ECD: variants seen among roughly 807,000 people sequenced by gnomAD.
The protein encoded by ECD is ecdysoneless cell cycle regulator, also known as protein ecdysoneless homolog.
ECD carries 59 observed loss-of-function variants against 77.2 expected under a neutral mutation model. The observed-to-expected ratio is 0.76, with a 90% CI of 0.62 to 0.95. The LOEUF (loss-of-function observed/expected upper bound fraction) is 0.95, where lower values mean the gene tolerates loss of function less well. ECD is among the 40% of genes least tolerant of loss of function. ECD has a pLI of 0.00. For missense variants in ECD, 704 were observed against 763.4 expected (o/e 0.92, Z 0.92); for synonymous variants, 233 against 267.4 (o/e 0.87, Z 1.26).
At chr10:73,140,269 C>T (rs531110340) in intron 9 of ECD, among the ~76,000 whole-genome samples, 1 of 151,710 alleles carries the variant, frequency 6.6e-6, no homozygotes, top group African/African-American at 2.4e-5. Flanking sequence ...AGACATGAGC[C>T]ACCGCACCCA....
intron 3 of ECD, among the ~76,000 whole-genome samples, chr10:73,160,159 G>A (rs1015609956): frequency 6.6e-6 from 1 of 151,408 alleles, no homozygotes; most frequent in Non-Finnish European, 1.5e-5. Flanking sequence ...GGTGGTGCAC[G>A]CCTGTAATCC....
chr10:73,163,999 A>T (rs1384593971), intron 1 of ECD, 49 bp from the exon 2 acceptor site: 28 of 1,502,440 alleles, frequency 1.9e-5, no homozygotes, highest in Admixed American at 5.4e-5. Flanking sequence ...ATGCAGAAGT[A>T]ACATCTGAAC....
intron 2 of ECD, among the ~76,000 whole-genome samples, chr10:73,161,978 TAGA>T (rs754765454): frequency 3.0e-4 from 46 of 152,178 alleles, no homozygotes; most frequent in Non-Finnish European, 6.6e-4. Context: ...AAACAATAGG[TAGA>T]AGAACAGCCC....
intron 3 of ECD, among the ~76,000 whole-genome samples, chr10:73,158,413 T>C (rs1843329203): frequency 1.3e-5 from 2 of 151,912 alleles, no homozygotes; most frequent in Admixed American, 1.3e-4. Flanking sequence ...ATGTTATACA[T>C]AATAAATATA....
At chr10:73,145,627 G>A (rs1843114122) in intron 9 of ECD, among the ~76,000 whole-genome samples, 3 of 151,026 alleles carry the variant, frequency 2.0e-5, no homozygotes, top group Admixed American at 2.0e-4. Context: ...AAATTATGGG[G>A]GTACATCCAT....
At chr10:73,150,255 C>G (rs992708978) in intron 7 of ECD, among the ~76,000 whole-genome samples, 5 of 152,172 alleles carry the variant, frequency 3.3e-5, no homozygotes, top group African/African-American at 1.2e-4. Flanking sequence ...ACAAACCTGA[C>G]AAAAACAAGA....
chr10:73,164,073 T>C (rs1843417803), intron 1 of ECD, 123 bp from the exon 2 acceptor site: 1 of 780,748 alleles, frequency 1.3e-6, no homozygotes, highest in African/African-American at 1.7e-5. Flanking sequence ...CAGTGGTTCA[T>C]GCATGTAATC....
rs976193635 is a variant in ECD, at chr10:73,136,686, G to C, written c.1704+18C>G. 2 of 1,610,324 alleles carry C rather than the reference G, an allele frequency of 1.2e-6. No individual in the cohort carries two copies. Among genetic ancestry groups the C allele is most frequent in the Admixed American group, 1.7e-5 (1 of 59,864 alleles). ...CATACTAGACTCAGAAAGAGAAAGA[G>C]GTTAAAAACACACATACCACTTGGT... On this transcript the variant is annotated intron_variant, in intron 13 of 13. Coordinates refer to ENST00000372979, the MANE Select transcript of ECD (RefSeq NM_007265.3).
intron 9 of ECD, chr10:73,141,339 TAA>T (rs749192454): frequency 2.8e-3 from 263 of 95,030 alleles, no homozygotes; most frequent in South Asian, 0.017. Context: ...CCGTCTCTAC[TAA>T]AAAAAAAAAA....
intron 7 of ECD, among the ~76,000 whole-genome samples, chr10:73,149,193 A>C (rs1410586832): frequency 6.6e-6 from 1 of 152,206 alleles, no homozygotes; most frequent in Non-Finnish European, 1.5e-5. Flanking sequence ...CAATGCTGTC[A>C]TGACTATGCT....
intron 9 of ECD, among the ~76,000 whole-genome samples, chr10:73,142,260 C>T (rs927608342): frequency 1.4e-4 from 22 of 151,944 alleles, no homozygotes; most frequent in Non-Finnish European, 1.8e-4. Flanking sequence ...TCACCCATCT[C>T]GGTCTCCCAA....
chr10:73,139,854 T>G (rs56403902), intron 9 of ECD, 117 bp from the exon 10 acceptor site: 14,594 of 654,258 alleles, frequency 0.022, 126 homozygotes, highest in Middle Eastern at 0.056. Flanking sequence ...GGAGTGTTTT[T>G]TTTTTTTTTT....
intron 8 of ECD, among the ~76,000 whole-genome samples, chr10:73,147,261 G>T (rs1303017660): frequency 6.6e-6 from 1 of 150,798 alleles, no homozygotes; most frequent in Non-Finnish European, 1.5e-5. Context: ...AACAACAACA[G>T]TAATAGCTGG....
chr10:73,160,336 A>G (rs1272672773), intron 3 of ECD, 98 bp downstream of exon 3: 7 of 766,146 alleles, frequency 9.1e-6, no homozygotes, highest in Non-Finnish European at 1.4e-5. Context: ...AATTTCCAGC[A>G]GACTACAGGA....
intron 1 of ECD, among the ~76,000 whole-genome samples, chr10:73,165,942 T>C (rs1037343658): frequency 1.3e-5 from 2 of 152,156 alleles, no homozygotes; most frequent in Non-Finnish European, 2.9e-5. Flanking sequence ...TTGTACCCTT[T>C]AACCATACTC....
intron 7 of ECD, among the ~76,000 whole-genome samples, chr10:73,151,787 C>T (rs1025542492): frequency 6.6e-6 from 1 of 152,072 alleles, no homozygotes; most frequent in Non-Finnish European, 1.5e-5. Flanking sequence ...TAAAGGAACA[C>T]TTTATGTATT....
At chr10:73,163,694 T>G (rs1843409915) in intron 2 of ECD, 39 bp downstream of exon 2, 1 of 1,596,028 alleles carries the variant, frequency 6.3e-7, no homozygotes, top group Non-Finnish European at 8.6e-7. Context: ...AGGATAACAT[T>G]AAAAGTCACA....
Position 73,142,916 on chromosome 10 carries a change from C to T in ECD, c.1128-3179G>A, listed in dbSNP as rs1223548020. 2.6e-5 allele frequency among the ~76,000 whole-genome samples: 4 copies of T among 152,062 alleles called. No individual in the cohort carries two copies. The East Asian group carries it at 7.7e-4, about 29-fold the overall frequency. ...AGAAAACTTCCTTAGAAAGGCCTTC[C>T]TTGACTAATCTATCTAGAAGAGCAG... On this transcript the variant is annotated intron_variant, in intron 9 of 13. Coordinates refer to ENST00000372979, the MANE Select transcript of ECD (RefSeq NM_007265.3).
At chr10:73,151,870 T>C (rs981375088) in intron 7 of ECD, among the ~76,000 whole-genome samples, 1 of 152,204 alleles carries the variant, frequency 6.6e-6, no homozygotes, top group Non-Finnish European at 1.5e-5. Flanking sequence ...ACTTTATTTA[T>C]GGAGTTTTTC....
Sources: allele counts gnomAD v4.1 joint callset (sites outside exome capture counted in the v4.1 genomes callset), GRCh38; gene constraint gnomAD v4.1.1; transcripts MANE v1.5; gene names NCBI Gene and HGNC (gene_info 2026-07-23, HGNC 2026-07-21).